The following ALG9 variants were observed in gnomAD, a reference collection of about 807,000 sequenced individuals.
ALG9 encodes alpha-1,2-mannosyltransferase ALG9.
ALG9 carries 55 observed loss-of-function variants against 81.8 expected under a neutral mutation model. The observed-to-expected ratio is 0.67, with a 90% CI of 0.54 to 0.84. ALG9 has a LOEUF of 0.84. ALG9 is among the 40% of genes least tolerant of loss of function. The pLI is 0.00. For missense variants in ALG9, 629 were observed against 745.0 expected (o/e 0.84, Z 1.81); for synonymous variants, 278 against 274.3 (o/e 1.01, Z -0.13).
At chr11:111,871,289 TC>T (rs1373751553) in intron 1 of ALG9, 62 bp downstream of exon 1, 1 of 1,365,776 alleles carries the variant, frequency 7.3e-7, no homozygotes. Context: ...GCTAAGACCC[TC>T]CCGGGGGCAG....
At chr11:111,839,603 G>T (rs555402819) in intron 10 of ALG9, among the ~76,000 whole-genome samples, 2 of 87,346 alleles carry the variant, frequency 2.3e-5, no homozygotes, top group African/African-American at 3.3e-5. Flanking sequence ...AAAAAAAAAG[G>T]GGGGGGGGGA....
chr11:111,805,765 C>T (rs745380719), intron 14 of ALG9, among the ~76,000 whole-genome samples: 6 of 152,166 alleles, frequency 3.9e-5, no homozygotes, highest in Non-Finnish European at 8.8e-5. Context: ...CTGTATAACA[C>T]CAAGGGTGAA....
At chr11:111,776,551 G>A in the ALG9 span, among the ~76,000 whole-genome samples, 2 of 152,090 alleles carry the variant, frequency 1.3e-5, no homozygotes, top group African/African-American at 4.8e-5. Context: ...TCATGCTACC[G>A]CACTCCAACC....
Position 111,871,438 on chromosome 11 carries a change from G to C in ALG9, c.45C>G (p.Ala15=). Residue 15 remains alanine, a synonymous_variant, in exon 1 of 15, where the codon GCC becomes GCG. Transcript: ENST00000616540. ...CAGCCGGGGCCGTATCCCCACTGCT[G>C]GCCCCGCTGCCCTTCAGGCGCTGCC... ...GARQRLKGSG[A]SSGDTAPAAD... 1 of 1,536,532 alleles carries C rather than the reference G, an allele frequency of 6.5e-7. No homozygotes were observed. The highest frequency in any genetic ancestry group is 8.7e-7 in the Non-Finnish European group (1 of 1,146,686).
rs1694657071 is a variant in ALG9, at chr11:111,852,751, C to G, written c.895+629G>C. Among the ~76,000 whole-genome samples the G allele has an allele frequency of 2.0e-5, 3 of 152,048 alleles. 1 individual carries two copies. Among genetic ancestry groups the G allele is most frequent in the Admixed American group, 1.3e-4 (2 of 15,266 alleles). ...AGGAGTTCAAGACCAGCCTGGCCAA[C>G]ATGGAGAAACCCCGTCTCTACTAAA... On this transcript the variant is annotated intron_variant, in intron 8 of 14. Coordinates refer to ENST00000616540, the MANE Select transcript of ALG9 (RefSeq NM_024740.2).
chr11:111,857,591 T>C lies in ALG9; in HGVS notation c.701+11A>G, dbSNP rs370540694. ...CAGCGATATATGGGAGGAGAACTGTTAGTTTCTTACCCAAGAGCTGCACTG... is the reference window on the plus strand; with the variant it reads ...CAGCGATATATGGGAGGAGAACTGTCAGTTTCTTACCCAAGAGCTGCACTG... On this transcript the variant is annotated intron_variant, in intron 6 of 14. Coordinates refer to ENST00000616540, the MANE Select transcript of ALG9 (RefSeq NM_024740.2). 1.9e-6 allele frequency: 3 copies of C among 1,614,102 alleles called. No homozygotes were observed. Among genetic ancestry groups the C allele is most frequent in the Non-Finnish European group, 1.7e-6 (2 of 1,179,986 alleles).
chr11:111,807,732 T>C (rs1249903702), intron 14 of ALG9, among the ~76,000 whole-genome samples: 1 of 152,104 alleles, frequency 6.6e-6, no homozygotes, highest in African/African-American at 2.4e-5. Flanking sequence ...TCCTAGCACT[T>C]TGGGGCCGAG....
the ALG9 span, chr11:111,769,527 G>A: frequency 1.3e-5 from 2 of 152,286 alleles, no homozygotes; most frequent in South Asian, 4.1e-4. Context: ...GCTGAGGTGG[G>A]AGGATCACTT....
intron 13 of ALG9, among the ~76,000 whole-genome samples, chr11:111,830,438 C>G (rs116687361): frequency 0.01 from 1,574 of 152,230 alleles, 24 homozygotes; most frequent in African/African-American, 0.035. Flanking sequence ...CTGTAAAAAT[C>G]TAAACTCACA....
intron 8 of ALG9, chr11:111,849,462 T>C (rs782289601): frequency 5.9e-5 from 9 of 152,248 alleles, no homozygotes; most frequent in Non-Finnish European, 8.8e-5. Flanking sequence ...GCAAAAACTA[T>C]CTTTTTTCCT....
intron 13 of ALG9, among the ~76,000 whole-genome samples, chr11:111,832,045 G>A (rs1954462277): frequency 6.6e-6 from 1 of 152,066 alleles, no homozygotes. Flanking sequence ...ATATCTACTG[G>A]CCTTCTCAGT....
chr11:111,841,342 C>T (rs187292730), intron 9 of ALG9, among the ~76,000 whole-genome samples: 9 of 152,240 alleles, frequency 5.9e-5, no homozygotes, highest in East Asian at 3.9e-4. Flanking sequence ...CCACAAATGA[C>T]GGAGTTTGTT....
At chr11:111,866,555 A>C (rs1464437530) in intron 3 of ALG9, among the ~76,000 whole-genome samples, 2 of 152,100 alleles carry the variant, frequency 1.3e-5, no homozygotes, top group African/African-American at 4.8e-5. Flanking sequence ...CTGAATGGCT[A>C]GGAAAAAGGA....
intron 14 of ALG9, among the ~76,000 whole-genome samples, chr11:111,804,815 G>A (rs370037728): frequency 6.6e-6 from 1 of 152,234 alleles, no homozygotes; most frequent in African/African-American, 2.4e-5. Flanking sequence ...CCAAATGGCT[G>A]CAAGGATGTG....
chr11:111,822,408 CAAAA>C (rs56367678), intron 13 of ALG9, among the ~76,000 whole-genome samples: 1 of 66,546 alleles, frequency 1.5e-5, no homozygotes, highest in Non-Finnish European at 2.6e-5. Context: ...AACTCAGTCT[CAAAA>C]AAAAAAAAAA....
At position 111,871,531 on chromosome 11, in the gene ALG9, G is replaced by A. The variant is rs1334825377; in HGVS notation, c.-49C>T. The A allele has an allele frequency of 1.3e-5, 20 of 1,534,724 alleles. No individual in the cohort carries two copies. Among genetic ancestry groups the A allele is most frequent in the Admixed American group, 9.8e-5 (5 of 50,938 alleles). On this transcript the variant is annotated 5_prime_UTR_variant, in exon 1 of 15. Transcript: ENST00000616540. The stretch of plus-strand genomic sequence containing the variant: ...TCGGCACCCTATGAAGTCGGTGAGC[G>A]CGCAGACATAGCTTTGGCTGGCAAA...
In ALG9 at chr11:111,859,375, G is replaced by A. The variant is rs552209511; in HGVS notation, c.565+1172C>T. ...AAATTAGCTGGGCGTGGTGGTGCACGCCTGTAATCCCAGCTACTCAGGAGC... is the reference window on the plus strand; with the variant it reads ...AAATTAGCTGGGCGTGGTGGTGCACACCTGTAATCCCAGCTACTCAGGAGC... On this transcript the variant is annotated intron_variant, in intron 5 of 14. Coordinates refer to ENST00000616540, the MANE Select transcript of ALG9 (RefSeq NM_024740.2). Among the ~76,000 whole-genome samples the A allele has an allele frequency of 5.9e-5, 9 of 152,050 alleles. No homozygotes were observed. The South Asian group carries it at 1.5e-3, about 25-fold the overall frequency.
At chr11:111,778,816 CTTT>C (rs61190059), downstream of ALG9, among the ~76,000 whole-genome samples, 8 of 138,550 alleles carry the variant, frequency 5.8e-5, no homozygotes, top group Admixed American at 1.5e-4. Context: ...CTTTTCTTTT[CTTT>C]TTTTTTTTTT....
intron 13 of ALG9, 85 bp from the exon 14 acceptor site, chr11:111,809,858 T>C (rs1027729829): frequency 6.7e-7 from 1 of 1,498,150 alleles, no homozygotes; most frequent in Non-Finnish European, 9.3e-7. Flanking sequence ...CCTAAAAATT[T>C]ACAGAGCTTT....
Sources: allele counts gnomAD v4.1 joint callset (sites outside exome capture counted in the v4.1 genomes callset), GRCh38; gene constraint gnomAD v4.1.1; transcripts MANE v1.5; gene names NCBI Gene and HGNC (gene_info 2026-07-23, HGNC 2026-07-21).